TEC: variants seen among roughly 807,000 people sequenced by gnomAD.
TEC encodes tyrosine-protein kinase Tec.
In TEC, 72 loss-of-function variants were observed where a neutral mutation model predicts 93.0. The ratio of observed to expected loss-of-function variants is 0.77; its 90% CI spans 0.64 to 0.94. The LOEUF (loss-of-function observed/expected upper bound fraction) is 0.94, where lower values mean the gene tolerates loss of function less well. Ranked by LOEUF, TEC falls within the 40% of genes least tolerant of loss-of-function variation. The pLI is 0.00. For missense variants in TEC, 630 were observed against 757.9 expected (o/e 0.83, Z 1.98); for synonymous variants, 249 against 247.7 (o/e 1.01, Z -0.05).
At chr4:48,172,699 G>A (rs1006423857) in intron 3 of TEC, among the ~76,000 whole-genome samples, 3 of 152,076 alleles carry the variant, frequency 2.0e-5, no homozygotes, top group East Asian at 1.9e-4. Flanking sequence ...AAAATGAATC[G>A]GACATGAAGC....
chr4:48,143,058 A>G (rs1719753862), intron 14 of TEC, among the ~76,000 whole-genome samples: 1 of 152,162 alleles, frequency 6.6e-6, no homozygotes, highest in South Asian at 2.1e-4. Context: ...TATTTTCTCT[A>G]TGTGGCAATT....
At chr4:48,139,621 A>C (rs1353159011) in intron 15 of TEC, among the ~76,000 whole-genome samples, 1 of 152,260 alleles carries the variant, frequency 6.6e-6, no homozygotes, top group African/African-American at 2.4e-5. Context: ...TAATTTTTCT[A>C]TGTGAACATA....
chr4:48,211,428 T>G (rs1174003344), intron 2 of TEC, among the ~76,000 whole-genome samples: 3 of 152,218 alleles, frequency 2.0e-5, no homozygotes, highest in Non-Finnish European at 2.9e-5. Flanking sequence ...TTTTTTTAAT[T>G]ATATCTGATC....
intron 7 of TEC, among the ~76,000 whole-genome samples, chr4:48,165,495 C>T (rs1165964162): frequency 6.6e-6 from 1 of 152,114 alleles, no homozygotes; most frequent in Non-Finnish European, 1.5e-5. Context: ...TAATGAACCC[C>T]CAAATCATCA....
At chr4:48,263,186 C>A (rs556040155) in intron 1 of TEC, among the ~76,000 whole-genome samples, 1 of 152,220 alleles carries the variant, frequency 6.6e-6, no homozygotes, top group South Asian at 2.1e-4. Flanking sequence ...AAGGAGGGCA[C>A]AAGTGGAAAG....
chr4:48,146,255 C>T (rs1050559805), intron 12 of TEC, 70 bp downstream of exon 12: 2 of 1,461,888 alleles, frequency 1.4e-6, no homozygotes, highest in African/African-American at 2.8e-5. Flanking sequence ...AGTACACATC[C>T]AAATTTATCT....
intron 2 of TEC, among the ~76,000 whole-genome samples, chr4:48,225,885 G>A (rs1434125139): frequency 1.3e-5 from 2 of 152,066 alleles, no homozygotes; most frequent in Admixed American, 1.3e-4. Context: ...GGTGAAGGCA[G>A]GAATTAAGTA....
At chr4:48,170,155 C>T in intron 5 of TEC, 93 bp downstream of exon 5, 1 of 1,075,798 alleles carries the variant, frequency 9.3e-7, no homozygotes, top group Admixed American at 2.2e-5. Context: ...AGAAAGTGTG[C>T]TGTACTTAAT....
chr4:48,239,757 A>G (rs1164353570), intron 1 of TEC, among the ~76,000 whole-genome samples: 1 of 152,092 alleles, frequency 6.6e-6, no homozygotes, highest in Non-Finnish European at 1.5e-5. Context: ...AACTTTCCTT[A>G]ACAAAAAAAA....
chr4:48,160,277 A>G (rs369710639), intron 8 of TEC, among the ~76,000 whole-genome samples: 2 of 152,304 alleles, frequency 1.3e-5, no homozygotes, highest in African/African-American at 4.8e-5. Flanking sequence ...TAAAGATGAG[A>G]AAACTGATTC....
intron 1 of TEC, among the ~76,000 whole-genome samples, chr4:48,264,344 A>G (rs967972768): frequency 6.6e-6 from 1 of 152,170 alleles, no homozygotes; most frequent in Non-Finnish European, 1.5e-5. Flanking sequence ...TCTCTACCCC[A>G]GCAAAAAACC....
intron 2 of TEC, among the ~76,000 whole-genome samples, chr4:48,210,163 T>A (rs564721846): frequency 6.6e-6 from 1 of 152,270 alleles, no homozygotes; most frequent in African/African-American, 2.4e-5. Flanking sequence ...TTTAACTCCA[T>A]AGCAGACCCA....
intron 2 of TEC, among the ~76,000 whole-genome samples, chr4:48,179,353 T>C (rs1560393046): frequency 3.4e-5 from 1 of 29,838 alleles, no homozygotes; most frequent in Non-Finnish European, 6.6e-5. Flanking sequence ...TATATATATA[T>C]ATATATATAT....
chr4:48,240,919 C>T (rs1002051171), intron 1 of TEC, among the ~76,000 whole-genome samples: 1 of 151,308 alleles, frequency 6.6e-6, no homozygotes, highest in Non-Finnish European at 1.5e-5. Flanking sequence ...ATTTCAAAAA[C>T]TGAAATGCCA....
chr4:48,152,068 T>A (rs1036002276), intron 9 of TEC, among the ~76,000 whole-genome samples: 5 of 152,146 alleles, frequency 3.3e-5, no homozygotes, highest in African/African-American at 1.2e-4. Context: ...TGGAATTAAA[T>A]AAATAAGGCT....
rs1346387599 is a variant in TEC, at chr4:48,243,789, G to A, written c.-45-15130C>T. ...CAATGAGAACAGTTGGACACAGGGC[G>A]GGGAACAACGCACACTGGGGCCTGT... On this transcript the variant is annotated intron_variant, in intron 1 of 17. Transcript: ENST00000381501. Among the ~76,000 whole-genome samples the A allele has an allele frequency of 3.3e-5, 5 of 152,054 alleles. No individual in the cohort carries two copies. The South Asian group carries it at 6.2e-4, about 19-fold the overall frequency.
intron 2 of TEC, among the ~76,000 whole-genome samples, chr4:48,176,489 G>GTT (rs1721330840): frequency 6.6e-6 from 1 of 152,190 alleles, no homozygotes; most frequent in South Asian, 2.1e-4. Flanking sequence ...GAGAGGCCAA[G>GTT]GCGGGTGGAT....
rs538216832 is a variant in TEC, at chr4:48,187,007, AAAAG to A, written c.139-10825_139-10822del. Among the ~76,000 whole-genome samples the A allele has an allele frequency of 6.6e-3, 1,001 of 152,362 alleles. 10 individuals carry two copies. Among genetic ancestry groups the A allele is most frequent in the African/African-American group, 0.023 (948 of 41,584 alleles). The stretch of plus-strand genomic sequence containing the variant: ...GAATAGAAAAGGGGGAAATGTGGGG[AAAAG>A]AAAGAGAGATCAGATTGTTACTGTG... On this transcript the variant is annotated intron_variant, in intron 2 of 17. Coordinates refer to ENST00000381501, the MANE Select transcript of TEC (RefSeq NM_003215.3).
At chr4:48,141,513 C>G (rs965158085) in intron 14 of TEC, 94 bp from the exon 15 acceptor site, 4 of 1,260,454 alleles carry the variant, frequency 3.2e-6, no homozygotes, top group South Asian at 1.3e-5. Flanking sequence ...TTAGTGTAAC[C>G]TAGTCAACAT....
Sources: gnomAD v4.1 joint callset for allele counts (sites outside exome capture counted in the v4.1 genomes callset) on GRCh38, gnomAD v4.1.1 for gene constraint, MANE v1.5 for transcripts, NCBI Gene and HGNC (gene_info 2026-07-23, HGNC 2026-07-21) for gene names.